The following MTUS2 variants were observed in gnomAD, a reference collection of about 807,000 sequenced individuals.
MTUS2 encodes microtubule associated scaffold protein 2.
MTUS2 carries 40 observed loss-of-function variants against 114.1 expected under a neutral mutation model. The observed-to-expected ratio is 0.35, with a 90% CI of 0.27 to 0.46. The LOEUF is 0.46. Among genes scored for constraint, MTUS2 ranks in the 20% least tolerant of loss-of-function variants. MTUS2 has a pLI of 1.00. For synonymous variants in MTUS2, 688 were observed against 672.0 expected (o/e 1.02, Z -0.37); for missense variants, 1,679 against 1,705.4 (o/e 0.98, Z 0.27).
In MTUS2 at chr13:29,380,683, G is replaced by A. The variant is rs1262610103; in HGVS notation, c.3117+21210G>A. Among the ~76,000 whole-genome samples, 3 of 70,466 alleles carry A rather than the reference G, an allele frequency of 4.3e-5. 1 individual carries two copies. The highest frequency in any genetic ancestry group is 8.5e-5 in the Non-Finnish European group (2 of 23,466). 46.2% of individuals were successfully genotyped at this position (70,466 alleles called of 152,430 possible). On this transcript the variant is annotated intron_variant, in intron 8 of 15. Coordinates refer to ENST00000612955, the MANE Select transcript of MTUS2 (RefSeq NM_001033602.4). ...TGTAATCCCAGCACTTTGGGAGGCC[G>A]AGGCGGGTGGATCATGAGGTCAGGA...
At chr13:29,404,668 G>T (rs528443887) in intron 8 of MTUS2, among the ~76,000 whole-genome samples, 1 of 152,144 alleles carries the variant, frequency 6.6e-6, no homozygotes, top group Non-Finnish European at 1.5e-5. Flanking sequence ...TCACTTCAGC[G>T]TTCCTGAACT....
At chr13:29,502,659 G>A (rs183859787) in intron 15 of MTUS2, among the ~76,000 whole-genome samples, 2 of 152,332 alleles carry the variant, frequency 1.3e-5, no homozygotes, top group African/African-American at 2.4e-5. Flanking sequence ...CTCTCCTTTC[G>A]GAGCTTCCGG....
chr13:28,889,569 T>G (rs1878795036), intron 2 of MTUS2, among the ~76,000 whole-genome samples: 1 of 152,278 alleles, frequency 6.6e-6, no homozygotes, highest in East Asian at 1.9e-4. Context: ...TCCCTTGGTT[T>G]CTGTATCTCT....
intron 10 of MTUS2, among the ~76,000 whole-genome samples, chr13:29,482,655 A>G (rs1881282770): frequency 2.0e-5 from 3 of 152,254 alleles, no homozygotes; most frequent in African/African-American, 7.2e-5. Context: ...CCATTGAGGA[A>G]GCTTCGAGAT....
chr13:28,829,653 T>G (rs79080185), intron 1 of MTUS2, among the ~76,000 whole-genome samples: 5,278 of 152,304 alleles, frequency 0.035, 323 homozygotes, highest in African/African-American at 0.12. Context: ...TAGAAGCTTC[T>G]TAAAAAACTC....
intron 5 of MTUS2, among the ~76,000 whole-genome samples, chr13:29,188,832 G>A (rs990375138): frequency 9.2e-5 from 14 of 152,152 alleles, no homozygotes; most frequent in Non-Finnish European, 1.9e-4. Flanking sequence ...TGCAGTGAGG[G>A]ACTCCCCCTG....
In MTUS2 at chr13:29,251,827, A is replaced by T. The variant is rs1189904376; in HGVS notation, c.2645-29877A>T. ...TGCATATACCACATTTTGTTTATTCATTTATCTGTCAATGGACATTTGGGT... is the reference window on the plus strand; with the variant it reads ...TGCATATACCACATTTTGTTTATTCTTTTATCTGTCAATGGACATTTGGGT... On this transcript the variant is annotated intron_variant, in intron 5 of 15. Coordinates refer to ENST00000612955, the MANE Select transcript of MTUS2 (RefSeq NM_001033602.4). Among the ~76,000 whole-genome samples, 3 of 152,134 alleles carry T rather than the reference A, an allele frequency of 2.0e-5. No homozygotes were observed. The East Asian group carries it at 5.8e-4, about 29-fold the overall frequency.
At chr13:29,246,526 G>A (rs1896931930) in intron 5 of MTUS2, among the ~76,000 whole-genome samples, 1 of 152,150 alleles carries the variant, frequency 6.6e-6, no homozygotes, top group African/African-American at 2.4e-5. Context: ...TATTAATGAA[G>A]GTTCTTAATG....
In MTUS2 at chr13:29,420,225, C is replaced by G. The variant is rs185359720; in HGVS notation, c.3118-19758C>G. Among the ~76,000 whole-genome samples, 6 of 151,900 alleles carry G rather than the reference C, an allele frequency of 3.9e-5. No individual in the cohort carries two copies. The East Asian group carries it at 1.2e-3, about 29-fold the overall frequency. On this transcript the variant is annotated intron_variant, in intron 8 of 15. Coordinates refer to ENST00000612955, the MANE Select transcript of MTUS2 (RefSeq NM_001033602.4). ...TTGAAACTGCTCTTTTTTCTTCCTT[C>G]CTTCCTTAACTTACTTTCTTTCTTT...
chr13:28,946,259 CTCTT>C (rs1255538252), intron 2 of MTUS2, among the ~76,000 whole-genome samples: 2 of 136,716 alleles, frequency 1.5e-5, no homozygotes, highest in Non-Finnish European at 3.2e-5. Flanking sequence ...CCTGGTATCT[CTCTT>C]TCTGTCTGCG....
intron 2 of MTUS2, among the ~76,000 whole-genome samples, chr13:28,913,109 T>C (rs180813557): frequency 2.0e-4 from 31 of 152,306 alleles, no homozygotes; most frequent in Admixed American, 9.2e-4. Context: ...TTTATTTCTT[T>C]ATCTTGCCTG....
Position 29,505,082 on chromosome 13 carries a change from T to C in MTUS2, c.*1876T>C. ...ACATGGAAACACCACCATTTCTCTTTGCTTTAGTGGCTCTGCATGATACTG... is the reference window on the plus strand; with the variant it reads ...ACATGGAAACACCACCATTTCTCTTCGCTTTAGTGGCTCTGCATGATACTG... On this transcript the variant is annotated 3_prime_UTR_variant, in exon 16 of 16. Transcript: ENST00000612955. The C allele has an allele frequency of 4.3e-6, 1 of 232,222 alleles. No individual in the cohort carries two copies. The highest frequency in any genetic ancestry group is 6.1e-5 in the East Asian group (1 of 16,434). The allele number at this position is 232,222 out of a possible 1,614,324, so 14.4% of individuals were successfully genotyped here. A position where few individuals can be genotyped will look rare whatever the true frequency, so the allele number is the denominator to read the frequency against.
At chr13:29,095,137 T>C (rs933530722) in intron 4 of MTUS2, among the ~76,000 whole-genome samples, 1 of 152,126 alleles carries the variant, frequency 6.6e-6, no homozygotes, top group Non-Finnish European at 1.5e-5. Flanking sequence ...TGTATTCTGC[T>C]TCTCTTGGGT....
chr13:29,259,976 A>G (rs1029616956), intron 5 of MTUS2, among the ~76,000 whole-genome samples: 2 of 152,222 alleles, frequency 1.3e-5, no homozygotes, highest in African/African-American at 2.4e-5. Context: ...AGCACCTGCC[A>G]TGGTGCCCGG....
At chr13:29,140,114 C>T (rs552798697) in intron 5 of MTUS2, among the ~76,000 whole-genome samples, 3 of 152,286 alleles carry the variant, frequency 2.0e-5, no homozygotes, top group Admixed American at 2.0e-4. Context: ...AACTTTTCTT[C>T]ATCAACATAG....
chr13:29,433,334 A>C (rs528129780), intron 8 of MTUS2, among the ~76,000 whole-genome samples: 2 of 152,334 alleles, frequency 1.3e-5, no homozygotes, highest in African/African-American at 4.8e-5. Context: ...GTAGACACTG[A>C]AATGTATTGA....
intron 2 of MTUS2, among the ~76,000 whole-genome samples, chr13:29,014,661 G>C (rs779836533): frequency 1.3e-5 from 2 of 152,148 alleles, no homozygotes; most frequent in African/African-American, 2.4e-5. Flanking sequence ...ATGTTAGAGT[G>C]GGGGGAGTCA....
chr13:29,333,697 T>C (rs1407389197), intron 7 of MTUS2, among the ~76,000 whole-genome samples: 1 of 152,200 alleles, frequency 6.6e-6, no homozygotes, highest in African/African-American at 2.4e-5. Context: ...TAGATGACTA[T>C]TAGGTCCGTT....
chr13:28,879,818 T>G (rs1446662826), intron 2 of MTUS2, among the ~76,000 whole-genome samples: 1 of 151,216 alleles, frequency 6.6e-6, no homozygotes, highest in Non-Finnish European at 1.5e-5. Context: ...ATATTAGAGA[T>G]GTATCTAAGT....
Sources: allele counts gnomAD v4.1 joint callset (sites outside exome capture counted in the v4.1 genomes callset), GRCh38; gene constraint gnomAD v4.1.1; transcripts MANE v1.5; gene names NCBI Gene and HGNC (gene_info 2026-07-23, HGNC 2026-07-21).